BCAS4: variants seen among roughly 807,000 people sequenced by gnomAD.
BCAS4 encodes the protein breast carcinoma-amplified sequence 4.
In BCAS4, 9 loss-of-function variants were observed where a neutral mutation model predicts 15.7. That is an observed-to-expected ratio of 0.57 (90% confidence interval 0.34 to 1.00). The LOEUF (loss-of-function observed/expected upper bound fraction) is 1.00, where lower values mean the gene tolerates loss of function less well. Among genes scored for constraint, BCAS4 ranks in the 50% least tolerant of loss-of-function variants. The pLI is 0.02. For synonymous variants in BCAS4, 101 were observed against 99.5 expected, an observed-to-expected ratio of 1.02 and a Z score of -0.09; for missense variants, 225 against 239.1, an observed-to-expected ratio of 0.94 and a Z score of 0.39.
chr20:50,818,512 C>T (rs981238174), intron 2 of BCAS4, among the ~76,000 whole-genome samples: 8 of 152,208 alleles, frequency 5.3e-5, no homozygotes, highest in African/African-American at 1.9e-4. Flanking sequence ...TTGATCTCGT[C>T]CTTCCCTCGA....
At chr20:50,859,691 G>A (rs1166283706) in intron 4 of BCAS4, among the ~76,000 whole-genome samples, 1 of 152,136 alleles carries the variant, frequency 6.6e-6, no homozygotes, top group East Asian at 1.9e-4. Flanking sequence ...AGGGAGCTTA[G>A]AGCCGCTGGA....
At chr20:50,811,880 C>T (rs553124817) in intron 1 of BCAS4, among the ~76,000 whole-genome samples, 10 of 152,314 alleles carry the variant, frequency 6.6e-5, no homozygotes, top group African/African-American at 2.4e-4. Flanking sequence ...GCCTCAGCCT[C>T]CTAAAATGTT....
At chr20:50,834,842 A>G (rs542240487) in intron 3 of BCAS4, among the ~76,000 whole-genome samples, 4 of 152,286 alleles carry the variant, frequency 2.6e-5, no homozygotes, top group East Asian at 1.9e-4. Context: ...TTCACTTGCC[A>G]TAATGGTTTC....
At chr20:50,816,402 T>C (rs55976405) in intron 1 of BCAS4, among the ~76,000 whole-genome samples, 68 of 152,370 alleles carry the variant, frequency 4.5e-4, no homozygotes, top group African/African-American at 1.6e-3. Context: ...TGCACGTTCG[T>C]TATTGGCTTA....
intron 1 of BCAS4, among the ~76,000 whole-genome samples, chr20:50,816,171 G>T (rs770520340): frequency 1.3e-5 from 2 of 151,764 alleles, no homozygotes; most frequent in Admixed American, 6.6e-5. Context: ...GACTACAGAC[G>T]CGTGCCACCA....
chr20:50,813,662 T>C (rs2088099633), intron 1 of BCAS4, among the ~76,000 whole-genome samples: 1 of 137,236 alleles, frequency 7.3e-6, no homozygotes, highest in African/African-American at 2.9e-5. Flanking sequence ...GAGAAGATCA[T>C]GGGTGGAGGA....
At chr20:50,802,098 G>T (rs1346384863) in intron 1 of BCAS4, among the ~76,000 whole-genome samples, 1 of 152,172 alleles carries the variant, frequency 6.6e-6, no homozygotes, top group Non-Finnish European at 1.5e-5. Flanking sequence ...AGTTTGGGAG[G>T]CTGAGGTAAG....
At position 50,821,979 on chromosome 20, in the gene BCAS4, G is replaced by C. The variant is rs149229046; in HGVS notation, c.162+3697G>C. ...TCCGTAAAATGAAAATAATGGTTCTGATTATCTATTGCTGTGTCAAACTAC... is the reference window on the plus strand; with the variant it reads ...TCCGTAAAATGAAAATAATGGTTCTCATTATCTATTGCTGTGTCAAACTAC... On this transcript the variant is annotated intron_variant, in intron 2 of 4. Coordinates refer to ENST00000371608, the MANE Select transcript of BCAS4 (RefSeq NM_198799.4). Among the ~76,000 whole-genome samples the C allele has an allele frequency of 4.8e-3, 725 of 152,286 alleles. 4 individuals carry two copies. Among genetic ancestry groups the C allele is most frequent in the African/African-American group, 0.016 (682 of 41,552 alleles).
At chr20:50,820,458 C>A (rs922494241) in intron 2 of BCAS4, among the ~76,000 whole-genome samples, 2 of 152,168 alleles carry the variant, frequency 1.3e-5, no homozygotes, top group African/African-American at 4.8e-5. Flanking sequence ...GCAGAGGGAC[C>A]AGCCTGTGCA....
At chr20:50,857,473 C>A (rs994292610) in intron 4 of BCAS4, among the ~76,000 whole-genome samples, 6 of 152,196 alleles carry the variant, frequency 3.9e-5, no homozygotes, top group Admixed American at 1.3e-4. Flanking sequence ...GAGCATAATG[C>A]CCTATGAGGT....
At chr20:50,862,985 C>G (rs1979165924) in intron 4 of BCAS4, among the ~76,000 whole-genome samples, 1 of 152,140 alleles carries the variant, frequency 6.6e-6, no homozygotes, top group African/African-American at 2.4e-5. Flanking sequence ...CGCATGCCAC[C>G]ATTCCAGGCT....
chr20:50,845,047 G>A lies in BCAS4; in HGVS notation c.399+3147G>A, dbSNP rs568718549. Among the ~76,000 whole-genome samples the A allele has an allele frequency of 2.6e-5, 4 of 152,254 alleles. No homozygotes were observed. In the East Asian group the frequency reaches 7.7e-4, roughly 29 times the overall value. The stretch of plus-strand genomic sequence containing the variant: ...TGAGCTGGAGGGGCCCTTGCAGAAT[G>A]ATGATCATCACCGCTGGTGTTGGGG... On this transcript the variant is annotated intron_variant, in intron 4 of 4. Transcript: ENST00000371608.
chr20:50,812,126 T>C (rs1055365101), intron 1 of BCAS4, among the ~76,000 whole-genome samples: 7 of 152,090 alleles, frequency 4.6e-5, no homozygotes, highest in Non-Finnish European at 5.9e-5. Flanking sequence ...GGGTCGTGTC[T>C]ACTTTTTATT....
At chr20:50,800,838 A>G (rs987241401) in intron 1 of BCAS4, among the ~76,000 whole-genome samples, 2 of 152,096 alleles carry the variant, frequency 1.3e-5, no homozygotes, top group Admixed American at 6.5e-5. Context: ...TTAGGATTAT[A>G]GGCATGAGCC....
At chr20:50,808,935 A>G (rs1025347725) in intron 1 of BCAS4, among the ~76,000 whole-genome samples, 4 of 152,084 alleles carry the variant, frequency 2.6e-5, no homozygotes, top group Non-Finnish European at 4.4e-5. Flanking sequence ...CGTTTTTCCA[A>G]TGTTATCTTC....
chr20:50,856,205 C>T (rs12480724), intron 4 of BCAS4, among the ~76,000 whole-genome samples: 13,440 of 152,224 alleles, frequency 0.088, 1,034 homozygotes, highest in East Asian at 0.23. Flanking sequence ...CTGCCTGCAG[C>T]TGTGGATTGG....
chr20:50,804,811 G>T (rs1161619209), intron 1 of BCAS4, among the ~76,000 whole-genome samples: 1 of 152,204 alleles, frequency 6.6e-6, no homozygotes, highest in African/African-American at 2.4e-5. Context: ...ACTCTGTGTT[G>T]CTTTGGGGAC....
At chr20:50,812,081 C>A (rs1458511573) in intron 1 of BCAS4, among the ~76,000 whole-genome samples, 1 of 152,134 alleles carries the variant, frequency 6.6e-6, no homozygotes, top group East Asian at 1.9e-4. Context: ...GGATACATCA[C>A]ATTTTATTTG....
intron 4 of BCAS4, among the ~76,000 whole-genome samples, chr20:50,861,360 T>C (rs557340613): frequency 7.9e-5 from 12 of 152,218 alleles, no homozygotes; most frequent in African/African-American, 2.4e-4. Flanking sequence ...TTTGCAGCTG[T>C]GGAGGGCTCC....
Sources: allele counts gnomAD v4.1 joint callset (sites outside exome capture counted in the v4.1 genomes callset), GRCh38; gene constraint gnomAD v4.1.1; transcripts MANE v1.5; gene names NCBI Gene and HGNC (gene_info 2026-07-23, HGNC 2026-07-21).